The following KIF6 variants were observed in gnomAD, a reference collection of about 807,000 sequenced individuals.
KIF6 encodes kinesin-like protein KIF6.
In KIF6, 106 loss-of-function variants were observed where a neutral mutation model predicts 112.7. That is an observed-to-expected ratio of 0.94 (90% CI 0.80 to 1.11). The LOEUF (loss-of-function observed/expected upper bound fraction) is 1.11. Among genes scored for constraint, KIF6 ranks in the 50% least tolerant of loss-of-function variants. The pLI, the probability that KIF6 is intolerant of heterozygous loss-of-function variation, is 0.00. For synonymous variants in KIF6, 339 were observed against 339.9 expected (o/e 1.00, Z 0.03); for missense variants, 929 against 964.0 (o/e 0.96, Z 0.48).
At chr6:39,714,595 A>T in intron 3 of KIF6, 97 bp downstream of exon 3, 1 of 769,080 alleles carries the variant, frequency 1.3e-6, no homozygotes, top group Non-Finnish European at 2.2e-6. Flanking sequence ...GCCTAAGTAT[A>T]TAATTGATAC....
At chr6:39,679,646 C>T (rs556543430) in intron 3 of KIF6, among the ~76,000 whole-genome samples, 214 of 136,312 alleles carry the variant, frequency 1.6e-3, no homozygotes, top group Non-Finnish European at 2.6e-3. Flanking sequence ...GGCGGAGTCT[C>T]ACTCTGCTGC....
At chr6:39,447,446 C>A (rs1472112982) in intron 13 of KIF6, among the ~76,000 whole-genome samples, 1 of 151,908 alleles carries the variant, frequency 6.6e-6, no homozygotes, top group Non-Finnish European at 1.5e-5. Context: ...TTATTTCCAG[C>A]AGCACAAAGT....
rs1207905184 is a variant in KIF6 at position 39,703,084 on chromosome 6, C to CG, written c.251+11607_251+11608insC. Among the ~76,000 whole-genome samples, 29 of 49,974 alleles carry CG rather than the reference C, an allele frequency of 5.8e-4. 1 individual carries two copies. In the East Asian group the frequency reaches 0.014, roughly 24 times the overall value. 32.8% of individuals were successfully genotyped at this position (49,974 alleles called of 152,430 possible). A position where few individuals can be genotyped will look rare whatever the true frequency, so the allele number is the denominator to read the frequency against. ...AAGACAAAATCCACCAACCCCCCAC[C>CG]CCCACTCCCGGCCACCAAGACAAAA... On this transcript the variant is annotated intron_variant, in intron 3 of 22. Coordinates refer to ENST00000287152, the MANE Select transcript of KIF6 (RefSeq NM_145027.6).
At chr6:39,637,676 G>C (rs952393307) in intron 4 of KIF6, among the ~76,000 whole-genome samples, 7 of 151,962 alleles carry the variant, frequency 4.6e-5, no homozygotes, top group African/African-American at 1.7e-4. Flanking sequence ...GGACCTCTGA[G>C]TACTAAGCTG....
rs114357911 is a variant in KIF6, at chr6:39,669,074, A to G, written c.252-29317T>C. On this transcript the variant is annotated intron_variant, in intron 3 of 22. Coordinates refer to ENST00000287152, the MANE Select transcript of KIF6 (RefSeq NM_145027.6). ...TGTACAGCCATTTGATTCATGAAAC[A>G]AAGGATAAAATATGTTATCCTAAAG... Among the ~76,000 whole-genome samples the G allele has an allele frequency of 1.3e-3, 205 of 152,362 alleles. 1 individual carries two copies. Among genetic ancestry groups the G allele is most frequent in the African/African-American group, 4.7e-3 (196 of 41,590 alleles).
At chr6:39,672,081 TA>T (rs1002583701) in intron 3 of KIF6, among the ~76,000 whole-genome samples, 5 of 152,354 alleles carry the variant, frequency 3.3e-5, no homozygotes, top group African/African-American at 1.2e-4. Context: ...TGTTTAATAT[TA>T]AAAGTGTTTT....
intron 13 of KIF6, among the ~76,000 whole-genome samples, chr6:39,516,721 T>G (rs781509837): frequency 2.6e-5 from 4 of 152,208 alleles, no homozygotes; most frequent in Non-Finnish European, 4.4e-5. Flanking sequence ...TGCTAAGCTT[T>G]ATGGATGTGT....
At chr6:39,421,570 C>G (rs2150366656) in intron 14 of KIF6, among the ~76,000 whole-genome samples, 1 of 152,274 alleles carries the variant, frequency 6.6e-6, no homozygotes, top group East Asian at 1.9e-4. Context: ...CACGACTGCT[C>G]TGTGTTGGAT....
intron 12 of KIF6, among the ~76,000 whole-genome samples, chr6:39,544,134 G>C (rs1171292368): frequency 1.3e-5 from 2 of 152,202 alleles, no homozygotes; most frequent in African/African-American, 4.8e-5. Flanking sequence ...ACCAGCCACA[G>C]ATTCTGGGCC....
chr6:39,690,162 T>G (rs1442911160), intron 3 of KIF6: 1 of 152,210 alleles, frequency 6.6e-6, no homozygotes, highest in Non-Finnish European at 1.5e-5. Flanking sequence ...TACAGTGATA[T>G]AAACTAAAAT....
At chr6:39,544,360 A>AT in intron 12 of KIF6, 195 bp downstream of exon 12, 3 of 444,098 alleles carry the variant, frequency 6.8e-6, no homozygotes, top group Middle Eastern at 5.0e-4. Context: ...AAACAAACAC[A>AT]TTTTTTTCTT....
intron 13 of KIF6, among the ~76,000 whole-genome samples, chr6:39,496,905 C>T (rs1256574188): frequency 6.6e-6 from 1 of 152,194 alleles, no homozygotes; most frequent in Non-Finnish European, 1.5e-5. Context: ...TTACTTAAAA[C>T]GTCTAACTCT....
At chr6:39,636,186 C>CAAA (rs1784616135) in intron 4 of KIF6, among the ~76,000 whole-genome samples, 1 of 152,010 alleles carries the variant, frequency 6.6e-6, no homozygotes, top group Non-Finnish European at 1.5e-5. Context: ...CCTATCTGTT[C>CAAA]TTCAGTGTAA....
chr6:39,490,182 GCTCT>G (rs1775389472), intron 13 of KIF6, among the ~76,000 whole-genome samples: 1 of 152,186 alleles, frequency 6.6e-6, no homozygotes, highest in Non-Finnish European at 1.5e-5. Context: ...CCATGTCTGT[GCTCT>G]CTAACATCAG....
intron 6 of KIF6, among the ~76,000 whole-genome samples, chr6:39,596,687 A>G (rs1411736910): frequency 1.3e-5 from 2 of 152,218 alleles, no homozygotes; most frequent in Admixed American, 1.3e-4. Context: ...GAAACCTACC[A>G]TCACTGTTAC....
intron 13 of KIF6, among the ~76,000 whole-genome samples, chr6:39,463,685 T>A (rs538663834): frequency 1.3e-5 from 2 of 152,366 alleles, no homozygotes; most frequent in South Asian, 4.1e-4. Context: ...GGCCACTTTT[T>A]AAATCTTATT....
intron 13 of KIF6, among the ~76,000 whole-genome samples, chr6:39,478,604 G>C (rs888807495): frequency 5.9e-5 from 9 of 152,032 alleles, no homozygotes; most frequent in Admixed American, 5.9e-4. Flanking sequence ...GTTCTTTAAG[G>C]AATCGCCGCA....
intron 13 of KIF6, among the ~76,000 whole-genome samples, chr6:39,446,936 G>C (rs1010661403): frequency 2.6e-5 from 4 of 152,190 alleles, no homozygotes; most frequent in Admixed American, 1.3e-4. Flanking sequence ...GAATGAATGA[G>C]TAAATGTGGA....
chr6:39,632,301 C>A (rs750495673), intron 5 of KIF6, among the ~76,000 whole-genome samples: 5 of 152,090 alleles, frequency 3.3e-5, no homozygotes, highest in Non-Finnish European at 7.4e-5. Flanking sequence ...TTGTGCAGCA[C>A]CAACATGACC....
Sources: allele counts gnomAD v4.1 joint callset (sites outside exome capture counted in the v4.1 genomes callset), GRCh38; gene constraint gnomAD v4.1.1; transcripts MANE v1.5; gene names NCBI Gene and HGNC (gene_info 2026-07-23, HGNC 2026-07-21).